FOXP2: variants seen among roughly 807,000 people sequenced by gnomAD.
FOXP2 encodes forkhead box protein P2.
FOXP2 carries 12 observed loss-of-function variants against 115.8 expected under a neutral mutation model. The observed-to-expected ratio is 0.10, with a 90% confidence interval of 0.07 to 0.17. The LOEUF (loss-of-function observed/expected upper bound fraction) is 0.17. Ranked by LOEUF, FOXP2 falls within the 10% of genes least tolerant of loss-of-function variation. The probability of loss-of-function intolerance (pLI) is 1.00; values close to 1 mark genes in which losing one functional copy is unlikely to be tolerated. For missense variants in FOXP2, 629 were observed against 843.5 expected, an observed-to-expected ratio of 0.75 and a Z score of 3.15; for synonymous variants, 328 against 297.7, an observed-to-expected ratio of 1.10 and a Z score of -1.05.
intron 1 of FOXP2, among the ~76,000 whole-genome samples, chr7:114,223,508 A>T (rs1028379708): frequency 6.8e-6 from 1 of 147,324 alleles, no homozygotes; most frequent in African/African-American, 2.5e-5. Flanking sequence ...TATTATATAT[A>T]ATATATATAT....
intron 2 of FOXP2, among the ~76,000 whole-genome samples, chr7:114,453,824 A>G (rs1052913822): frequency 2.6e-5 from 4 of 152,030 alleles, no homozygotes; most frequent in East Asian, 1.9e-4. Context: ...TATGTAGGAA[A>G]CTGAAACTGG....
At chr7:114,495,362 G>T in intron 2 of FOXP2, among the ~76,000 whole-genome samples, 1 of 151,558 alleles carries the variant, frequency 6.6e-6, no homozygotes, top group East Asian at 1.9e-4. Flanking sequence ...ATTTTCAATA[G>T]AATTCCAAGT....
At chr7:114,396,740 C>T (rs1424252209) in intron 2 of FOXP2, among the ~76,000 whole-genome samples, 1 of 151,620 alleles carries the variant, frequency 6.6e-6, no homozygotes, top group African/African-American at 2.4e-5. Flanking sequence ...AGACAGCAGG[C>T]ATAAGTTTGA....
At chr7:114,140,317 G>C (rs764875672) in intron 1 of FOXP2, among the ~76,000 whole-genome samples, 1 of 151,984 alleles carries the variant, frequency 6.6e-6, no homozygotes, top group African/African-American at 2.4e-5. Context: ...CCAAGTAGAG[G>C]TGATGCTAAT....
chr7:114,371,272 A>G (rs1405575), intron 2 of FOXP2, among the ~76,000 whole-genome samples: 141,632 of 147,474 alleles, frequency 0.96, 68,274 homozygotes, highest in East Asian at 1. Flanking sequence ...TTGTAGTAGC[A>G]ATAAGGTTTT....
At chr7:114,123,165 A>G (rs1242279524) in intron 1 of FOXP2, among the ~76,000 whole-genome samples, 1 of 151,996 alleles carries the variant, frequency 6.6e-6, no homozygotes, top group Non-Finnish European at 1.5e-5. Context: ...AGCCTGGGCA[A>G]CATAGTGAGA....
chr7:114,268,357 G>T (rs544940947), intron 1 of FOXP2, among the ~76,000 whole-genome samples: 1 of 152,120 alleles, frequency 6.6e-6, no homozygotes, highest in South Asian at 2.1e-4. Context: ...TGTGCAAGAG[G>T]GAATTTGCTC....
intron 1 of FOXP2, among the ~76,000 whole-genome samples, chr7:114,114,646 T>G (rs1242749399): frequency 1.3e-5 from 2 of 152,180 alleles, no homozygotes; most frequent in Non-Finnish European, 2.9e-5. Context: ...TCTTTCTTAT[T>G]TTTCTTGGTT....
At chr7:114,570,787 A>T in intron 3 of FOXP2, 1 of 1,604,474 alleles carries the variant, frequency 6.2e-7, no homozygotes, top group South Asian at 1.1e-5. Context: ...CCAACTCCTG[A>T]TTCTCTTTGT....
chr7:114,324,480 C>T (rs185212405), intron 2 of FOXP2, among the ~76,000 whole-genome samples: 1 of 151,952 alleles, frequency 6.6e-6, no homozygotes, highest in East Asian at 1.9e-4. Flanking sequence ...CCTCTCTCTT[C>T]TATACTTCTT....
At chr7:114,093,807 A>G (rs927422764) in intron 1 of FOXP2, among the ~76,000 whole-genome samples, 1 of 152,146 alleles carries the variant, frequency 6.6e-6, no homozygotes, top group East Asian at 1.9e-4. Flanking sequence ...GAGAAACAAC[A>G]TAACACTTAA....
intron 6 of FOXP2, among the ~76,000 whole-genome samples, chr7:114,640,684 A>G (rs768191449): frequency 1.3e-5 from 2 of 152,014 alleles, no homozygotes; most frequent in African/African-American, 2.4e-5. Flanking sequence ...AACCTGCTTC[A>G]CCCCACACAT....
At chr7:114,440,487 A>G (rs1794551885) in intron 2 of FOXP2, among the ~76,000 whole-genome samples, 1 of 152,248 alleles carries the variant, frequency 6.6e-6, no homozygotes, top group South Asian at 2.1e-4. Flanking sequence ...AAGTCGTTAT[A>G]TTATCACTAA....
chr7:114,098,051 T>C (rs996532696), intron 1 of FOXP2, among the ~76,000 whole-genome samples: 2 of 152,194 alleles, frequency 1.3e-5, no homozygotes, highest in African/African-American at 4.8e-5. Context: ...CTATGGGACA[T>C]AGAGCATGAA....
chr7:114,564,911 T>C (rs1800931733), intron 3 of FOXP2, among the ~76,000 whole-genome samples: 1 of 151,850 alleles, frequency 6.6e-6, no homozygotes, highest in African/African-American at 2.4e-5. Flanking sequence ...GAAATGTTAT[T>C]TGTGCCCATT....
rs1307199151 is a variant in FOXP2 at position 114,692,993 on chromosome 7, G to C, written c.*3067G>C. 1 of 453,778 alleles carries C rather than the reference G, an allele frequency of 2.2e-6. No homozygotes were observed. The highest frequency in any genetic ancestry group is 4.4e-6 in the Non-Finnish European group (1 of 226,650). 28.1% of individuals were successfully genotyped at this position (453,778 alleles called of 1,614,324 possible). On this transcript the variant is annotated 3_prime_UTR_variant, in exon 17 of 17. Coordinates refer to ENST00000350908, the MANE Select transcript of FOXP2 (RefSeq NM_014491.4). ...TGAATAAAATAAAGGACCAAACCTA[G>C]GATTTGAAAGAAAACTGTCTACCTC... is the stretch of plus-strand genomic sequence containing the variant.
At chr7:114,176,127 G>T (rs1793281683) in intron 1 of FOXP2, among the ~76,000 whole-genome samples, 2 of 151,814 alleles carry the variant, frequency 1.3e-5, no homozygotes, top group South Asian at 4.1e-4. Flanking sequence ...TTCTTTCAAA[G>T]TTATGTTTAG....
chr7:114,690,131 T>TCTTCTTCTTC lies in FOXP2; in HGVS notation c.*205_*206insCTTCTTCTTC. ...CTTGTTTTCTTCTTCTTCTTCTTCT[T>TCTTCTTCTTC]TTTTTTTTTTTTTTTAGAAAAAAAG... On this transcript the variant is annotated 3_prime_UTR_variant, in exon 17 of 17. Coordinates refer to ENST00000350908, the MANE Select transcript of FOXP2 (RefSeq NM_014491.4). The TCTTCTTCTTC allele has an allele frequency of 7.5e-6, 1 of 133,856 alleles. No homozygotes were observed. Among genetic ancestry groups the TCTTCTTCTTC allele is most frequent in the Non-Finnish European group, 1.7e-5 (1 of 60,020 alleles). The allele number at this position is 133,856 out of a possible 1,614,324, so 8.3% of individuals were successfully genotyped here. A position where few individuals can be genotyped will look rare whatever the true frequency, so the allele number is the denominator to read the frequency against.
rs141218690 is a variant in FOXP2 at position 114,438,605 on chromosome 7, A to G, written c.168+11926A>G. The stretch of plus-strand genomic sequence containing the variant: ...GTGAATATATGTGTTTCGTTAGTCA[A>G]GATAACATCATTATGTAGAATTTTT... On this transcript the variant is annotated intron_variant, in intron 2 of 16. Coordinates refer to ENST00000350908, the MANE Select transcript of FOXP2 (RefSeq NM_014491.4). 7.1e-3 allele frequency among the ~76,000 whole-genome samples: 1,078 copies of G among 152,246 alleles called. 15 individuals are homozygous for G. Among genetic ancestry groups the G allele is most frequent in the African/African-American group, 0.025 (1,025 of 41,580 alleles).
Sources: allele counts gnomAD v4.1 joint callset (sites outside exome capture counted in the v4.1 genomes callset), GRCh38; gene constraint gnomAD v4.1.1; transcripts MANE v1.5; gene names NCBI Gene and HGNC (gene_info 2026-07-23, HGNC 2026-07-21).